RNF32: variants seen among roughly 807,000 people sequenced by gnomAD.
The protein encoded by RNF32 is ring finger protein 32.
A neutral mutation model predicts 41.0 loss-of-function variants in RNF32; 36 were observed. The observed-to-expected ratio is 0.88, with a 90% CI of 0.67 to 1.16. The LOEUF (loss-of-function observed/expected upper bound fraction) is 1.16, where lower values mean the gene tolerates loss of function less well. Ranked by LOEUF, RNF32 falls within the 50% of genes most tolerant of loss-of-function variation. The pLI, the probability that RNF32 is intolerant of heterozygous loss-of-function variation, is 0.00. For missense variants in RNF32, 413 were observed against 436.7 expected (o/e 0.95, Z 0.48); for synonymous variants, 154 against 160.9 (o/e 0.96, Z 0.32).
rs140092411 is a variant in RNF32, at chr7:156,676,237, A to ATG, written c.853-174_853-173dup. 497 of 1,349,760 alleles carry ATG rather than the reference A, an allele frequency of 3.7e-4. 1 individual carries two copies. The highest frequency in any genetic ancestry group is 4.3e-4 in the African/African-American group (21 of 49,358). 83.6% of individuals were successfully genotyped at this position (1,349,760 alleles called of 1,614,324 possible). On this transcript the variant is annotated intron_variant, in intron 8 of 8. Coordinates refer to ENST00000317955, the MANE Select transcript of RNF32 (RefSeq NM_030936.4). ...ACAGTTCCCAGGAGTAACAGAGTATATGTGTGTGTATATATATATGTATAT... is the reference window on the plus strand; with the variant it reads ...ACAGTTCCCAGGAGTAACAGAGTATATGTGTGTGTGTATATATATATGTATAT...
At chr7:156,657,176 T>C (rs1050639888) in intron 4 of RNF32, among the ~76,000 whole-genome samples, 2 of 152,238 alleles carry the variant, frequency 1.3e-5, no homozygotes, top group Non-Finnish European at 2.9e-5. Flanking sequence ...TGGTATTTAC[T>C]TAGCGTTTCC....
chr7:156,666,354 GT>G (rs1383984572), intron 7 of RNF32, among the ~76,000 whole-genome samples: 1 of 152,208 alleles, frequency 6.6e-6, no homozygotes, highest in East Asian at 1.9e-4. Flanking sequence ...CCTTTTGGGT[GT>G]GTTGACGAGT....
chr7:156,643,685 G>A (rs557157229), intron 1 of RNF32, 116 bp from the exon 2 acceptor site: 1 of 617,640 alleles, frequency 1.6e-6, no homozygotes, highest in Admixed American at 3.1e-5. Context: ...GTGCCACCCT[G>A]TAGCAGGCAT....
chr7:156,672,304 T>C (rs1585112813), intron 7 of RNF32, among the ~76,000 whole-genome samples: 1 of 151,982 alleles, frequency 6.6e-6, no homozygotes, highest in Admixed American at 6.6e-5. Flanking sequence ...CGACGACAGG[T>C]GCAAAACCCT....
intron 3 of RNF32, among the ~76,000 whole-genome samples, chr7:156,650,226 A>G (rs1798538846): frequency 6.6e-6 from 1 of 152,220 alleles, no homozygotes; most frequent in South Asian, 2.1e-4. Flanking sequence ...TGCCCCGTGC[A>G]TGGACACAAG....
chr7:156,643,022 A>C (rs1797563123), intron 1 of RNF32: 1 of 152,244 alleles, frequency 6.6e-6, no homozygotes, highest in Non-Finnish European at 1.5e-5. Flanking sequence ...CATGTCCAAA[A>C]TCTAAAAGGG....
At chr7:156,671,675 T>G (rs972288489) in intron 7 of RNF32, among the ~76,000 whole-genome samples, 1 of 152,166 alleles carries the variant, frequency 6.6e-6, no homozygotes, top group African/African-American at 2.4e-5. Context: ...GGCGGTCCTG[T>G]CGCCCAGCTC....
chr7:156,659,336 G>A (rs546404356), intron 7 of RNF32: 12 of 987,894 alleles, frequency 1.2e-5, no homozygotes, highest in Non-Finnish European at 1.4e-5. Context: ...ATGGAGATGA[G>A]TTACTGTGTG....
rs115031903 is a variant in RNF32 at position 156,668,535 on chromosome 7, C to T, written c.685-7161C>T. On this transcript the variant is annotated intron_variant, in intron 7 of 8. Coordinates refer to ENST00000317955, the MANE Select transcript of RNF32 (RefSeq NM_030936.4). ...GTCTTGCCACCCTGCTTCCCTCTGC[C>T]TCTGTGTCCTCACTCCTTCCTTCCC... Among the ~76,000 whole-genome samples, 1,011 of 152,314 alleles carry T rather than the reference C, an allele frequency of 6.6e-3. 10 individuals are homozygous for T. The highest frequency in any genetic ancestry group is 0.022 in the African/African-American group (935 of 41,556).
chr7:156,647,770 A>T (rs965514190), intron 3 of RNF32, among the ~76,000 whole-genome samples: 2 of 152,210 alleles, frequency 1.3e-5, no homozygotes, highest in African/African-American at 4.8e-5. Context: ...TGTTCTCCAT[A>T]GAGGTTGTAC....
intron 3 of RNF32, among the ~76,000 whole-genome samples, chr7:156,651,233 AC>A (rs1185607097): frequency 8.5e-6 from 1 of 117,880 alleles, no homozygotes; most frequent in Non-Finnish European, 1.7e-5. Flanking sequence ...TTTTTTTTTG[AC>A]ACACAGTCTT....
rs1220651148 is a variant in RNF32, at chr7:156,640,781, C to T, written c.-108C>T. 4 of 249,882 alleles carry T rather than the reference C, an allele frequency of 1.6e-5. No individual in the cohort carries two copies. Among genetic ancestry groups the T allele is most frequent in the South Asian group, 1.0e-4 (3 of 29,344 alleles). The allele number at this position is 249,882 out of a possible 1,614,324, so 15.5% of individuals were successfully genotyped here. A position where few individuals can be genotyped will look rare whatever the true frequency, so the allele number is the denominator to read the frequency against. ...GCCTGAGGGAAAAGGGGCAGACGTC[C>T]CTGGGTTCCGGTGTTCGCGGAGGAG... On this transcript the variant is annotated 5_prime_UTR_variant, in exon 1 of 9. Coordinates refer to ENST00000317955, the MANE Select transcript of RNF32 (RefSeq NM_030936.4).
rs538452772 is a variant in RNF32 at position 156,641,027 on chromosome 7, A to C, written c.-78+216A>C. 2.8e-3 allele frequency: 438 copies of C among 156,920 alleles called. 2 individuals are homozygous for C. Among genetic ancestry groups the C allele is most frequent in the African/African-American group, 9.2e-3 (384 of 41,550 alleles). The allele number at this position is 156,920 out of a possible 1,614,324, so 9.7% of individuals were successfully genotyped here. On this transcript the variant is annotated intron_variant, in intron 1 of 8. Coordinates refer to ENST00000317955, the MANE Select transcript of RNF32 (RefSeq NM_030936.4). The stretch of plus-strand genomic sequence containing the variant: ...CTGGTTAGTTTCCACAGCTCCTTCT[A>C]TCTGAGGGGTACGAATTTACGGCTG...
At chr7:156,665,332 G>A (rs1338394762) in intron 7 of RNF32, among the ~76,000 whole-genome samples, 2 of 152,130 alleles carry the variant, frequency 1.3e-5, no homozygotes, top group Admixed American at 6.5e-5. Context: ...GTTCACATGC[G>A]TTCACCTCAT....
At chr7:156,665,495 CAT>C (rs1272662747) in intron 7 of RNF32, among the ~76,000 whole-genome samples, 7 of 152,224 alleles carry the variant, frequency 4.6e-5, no homozygotes, top group Admixed American at 4.6e-4. Flanking sequence ...CTGGGAATAA[CAT>C]GTGAAACCAG....
At position 156,676,245 on chromosome 7, in the gene RNF32, GTA is replaced by G. The variant is rs113735598; in HGVS notation, c.853-164_853-163del. 486 of 1,506,314 alleles carry G rather than the reference GTA, an allele frequency of 3.2e-4. 2 individuals are homozygous for G. In the African/African-American group the frequency reaches 5.6e-3, roughly 17 times the overall value. The allele number at this position is 1,506,314 out of a possible 1,614,324, so 93.3% of individuals were successfully genotyped here. A position where few individuals can be genotyped will look rare whatever the true frequency, so the allele number is the denominator to read the frequency against. On this transcript the variant is annotated intron_variant, in intron 8 of 8. Coordinates refer to ENST00000317955, the MANE Select transcript of RNF32 (RefSeq NM_030936.4). ...CAGGAGTAACAGAGTATATGTGTGT[GTA>G]TATATATATGTATATATATAAATAA...
At chr7:156,658,694 T>C (rs1183844997) in intron 7 of RNF32, 124 bp downstream of exon 7, 1 of 775,266 alleles carries the variant, frequency 1.3e-6, no homozygotes, top group African/African-American at 1.8e-5. Context: ...TTTTTAAAAA[T>C]GGGTGAGATG....
intron 3 of RNF32, among the ~76,000 whole-genome samples, chr7:156,652,758 T>C (rs1798924420): frequency 6.6e-6 from 1 of 152,122 alleles, no homozygotes; most frequent in Non-Finnish European, 1.5e-5. Context: ...AAATATTTTG[T>C]ATTAACTGAA....
chr7:156,649,805 T>C (rs1180490546), intron 3 of RNF32, among the ~76,000 whole-genome samples: 1 of 152,240 alleles, frequency 6.6e-6, no homozygotes, highest in East Asian at 1.9e-4. Context: ...ACTGTTGCAT[T>C]CTGATAACTA....
Sources: allele counts gnomAD v4.1 joint callset (sites outside exome capture counted in the v4.1 genomes callset), GRCh38; gene constraint gnomAD v4.1.1; transcripts MANE v1.5; gene names NCBI Gene and HGNC (gene_info 2026-07-23, HGNC 2026-07-21).